The following RFX3 variants were observed in gnomAD, a reference collection of about 807,000 sequenced individuals.
RFX3 encodes the protein transcription factor RFX3.
A neutral mutation model predicts 98.6 loss-of-function variants in RFX3; 14 were observed. The ratio of observed to expected loss-of-function variants is 0.14; its 90% CI spans 0.09 to 0.22. RFX3 has a LOEUF of 0.22. RFX3 is among the 10% of genes least tolerant of loss of function. RFX3 has a pLI of 1.00. For synonymous variants in RFX3, 383 were observed against 328.4 expected, an observed-to-expected ratio of 1.17 and a Z score of -1.80; for missense variants, 639 against 926.9, an observed-to-expected ratio of 0.69 and a Z score of 4.03.
chr9:3,474,825 G>A (rs1587799143), intron 1 of RFX3, among the ~76,000 whole-genome samples: 1 of 152,142 alleles, frequency 6.6e-6, no homozygotes, highest in South Asian at 2.1e-4. Context: ...AGCCAGGTAT[G>A]GTGGCTCATG....
rs1817251816 is a variant in RFX3, at chr9:3,219,878, G to A, written c.*5164C>T. On this transcript the variant is annotated 3_prime_UTR_variant, in exon 17 of 17. Coordinates refer to ENST00000617270, the MANE Select transcript of RFX3 (RefSeq NM_001282116.2). ...TGTCCTTTCACCAGACATCAGAATA[G>A]GTTACACTCTTATTTGCACCCAGCT... 6.6e-6 allele frequency: 1 copy of A among 152,166 alleles called. No individual in the cohort carries two copies. The highest frequency in any genetic ancestry group is 1.5e-5 in the Non-Finnish European group (1 of 68,034). The allele number at this position is 152,166 out of a possible 1,614,324, so 9.4% of individuals were successfully genotyped here. A position where few individuals can be genotyped will look rare whatever the true frequency, so the allele number is the denominator to read the frequency against.
At chr9:3,277,222 T>G in intron 8 of RFX3, 118 bp downstream of exon 8, 2 of 951,804 alleles carry the variant, frequency 2.1e-6, no homozygotes, top group Non-Finnish European at 3.2e-6. Flanking sequence ...GTGCATAATT[T>G]TGGCACCAAA....
intron 3 of RFX3, among the ~76,000 whole-genome samples, chr9:3,339,237 A>T (rs2131025638): frequency 6.6e-6 from 1 of 152,296 alleles, no homozygotes; most frequent in Non-Finnish European, 1.5e-5. Context: ...TTTTTGAAGC[A>T]TACCAAAAAG....
At chr9:3,346,628 G>A in intron 3 of RFX3, 39 bp downstream of exon 3, 1 of 1,262,288 alleles carries the variant, frequency 7.9e-7, no homozygotes, top group East Asian at 2.3e-5. Context: ...ATTTTTCTCT[G>A]AGTGGGGGAA....
At chr9:3,333,955 T>C (rs1316222827) in intron 3 of RFX3, among the ~76,000 whole-genome samples, 1 of 152,222 alleles carries the variant, frequency 6.6e-6, no homozygotes, top group Non-Finnish European at 1.5e-5. Flanking sequence ...AGGTAGGTGC[T>C]GTTATATTAA....
At chr9:3,236,950 G>A (rs985577410) in intron 15 of RFX3, among the ~76,000 whole-genome samples, 2 of 152,166 alleles carry the variant, frequency 1.3e-5, no homozygotes, top group Admixed American at 6.5e-5. Context: ...AGCTGTCACA[G>A]GCCCAAAGAA....
At chr9:3,393,796 G>A (rs1840564433) in intron 2 of RFX3, among the ~76,000 whole-genome samples, 1 of 152,086 alleles carries the variant, frequency 6.6e-6, no homozygotes, top group Non-Finnish European at 1.5e-5. Context: ...TGAACATAAA[G>A]ATGACAATAA....
chr9:3,513,608 TA>T (rs985917684), intron 1 of RFX3, among the ~76,000 whole-genome samples: 3 of 152,156 alleles, frequency 2.0e-5, no homozygotes, highest in African/African-American at 7.2e-5. Context: ...CTTACATCAT[TA>T]AAGAAGGAAG....
At chr9:3,418,021 C>T (rs760884961) in intron 1 of RFX3, among the ~76,000 whole-genome samples, 29 of 152,162 alleles carry the variant, frequency 1.9e-4, no homozygotes, top group Non-Finnish European at 3.7e-4. Flanking sequence ...TGGCCTTTAT[C>T]TGATTAATGT....
At chr9:3,248,415 A>G (rs1820960607) in intron 14 of RFX3, among the ~76,000 whole-genome samples, 1 of 152,212 alleles carries the variant, frequency 6.6e-6, no homozygotes, top group Non-Finnish European at 1.5e-5. Context: ...AGATAGTCTT[A>G]ATGGAAAAAG....
chr9:3,405,359 A>G (rs1411460495), intron 1 of RFX3, among the ~76,000 whole-genome samples: 1 of 152,206 alleles, frequency 6.6e-6, no homozygotes, highest in Non-Finnish European at 1.5e-5. Context: ...CTGTAACTCT[A>G]GTCAATAATC....
At chr9:3,480,803 G>A (rs1391380384) in intron 1 of RFX3, among the ~76,000 whole-genome samples, 1 of 150,752 alleles carries the variant, frequency 6.6e-6, no homozygotes, top group African/African-American at 2.5e-5. Flanking sequence ...TACATGCCCT[G>A]CCTGTCTTAG....
chr9:3,411,985 C>G (rs368159916), intron 1 of RFX3, among the ~76,000 whole-genome samples: 20 of 152,220 alleles, frequency 1.3e-4, no homozygotes, highest in African/African-American at 4.8e-4. Flanking sequence ...TAACATTATC[C>G]ATAGGATCTT....
intron 1 of RFX3, chr9:3,453,399 A>T (rs1044683337): frequency 6.6e-6 from 1 of 151,962 alleles, no homozygotes; most frequent in Non-Finnish European, 1.5e-5. Context: ...AGTCATACCT[A>T]CTTAGAATTG....
At chr9:3,340,717 C>G (rs1174377083) in intron 3 of RFX3, among the ~76,000 whole-genome samples, 2 of 152,178 alleles carry the variant, frequency 1.3e-5, no homozygotes, top group East Asian at 3.8e-4. Flanking sequence ...CCATCTCACA[C>G]CAGTTAGAAT....
intron 1 of RFX3, among the ~76,000 whole-genome samples, chr9:3,402,582 T>C (rs747321610): frequency 4.6e-5 from 7 of 151,976 alleles, no homozygotes; most frequent in Non-Finnish European, 7.4e-5. Context: ...AAAAAATAAA[T>C]GTTTTGCAGG....
At chr9:3,419,105 T>A (rs376633717) in intron 1 of RFX3, among the ~76,000 whole-genome samples, 1 of 152,214 alleles carries the variant, frequency 6.6e-6, no homozygotes, top group Non-Finnish European at 1.5e-5. Context: ...AAGGGTAACA[T>A]TCAGCAGTAT....
At position 3,225,006 on chromosome 9, in the gene RFX3, G is replaced by C. The variant is rs550578818; in HGVS notation, c.*36C>G. On this transcript the variant is annotated 3_prime_UTR_variant, in exon 17 of 17. Transcript: ENST00000617270. ...TCAACTTAAGCCCAATATCAACAGG[G>C]TTAATGTAAGCTGGAAAAATACGCT... is the stretch of plus-strand genomic sequence containing the variant. 1 of 1,595,538 alleles carries C rather than the reference G, an allele frequency of 6.3e-7. No homozygotes were observed. Among genetic ancestry groups the C allele is most frequent in the Non-Finnish European group, 8.6e-7 (1 of 1,164,724 alleles).
chr9:3,353,261 T>A (rs1483505424), intron 2 of RFX3, among the ~76,000 whole-genome samples: 2 of 151,680 alleles, frequency 1.3e-5, no homozygotes. Context: ...GACGAGTTAA[T>A]GGGTGCAGCA....
Sources: allele counts gnomAD v4.1 joint callset (sites outside exome capture counted in the v4.1 genomes callset), GRCh38; gene constraint gnomAD v4.1.1; transcripts MANE v1.5; gene names NCBI Gene and HGNC (gene_info 2026-07-23, HGNC 2026-07-21).